Variants in RSRC1 observed in about 807,000 individuals in gnomAD.
RSRC1 encodes the protein arginine and serine rich coiled-coil 1.
In RSRC1, 39 loss-of-function variants were observed where a neutral mutation model predicts 49.1. The ratio of observed to expected loss-of-function variants is 0.79; its 90% CI spans 0.61 to 1.04. The LOEUF (loss-of-function observed/expected upper bound fraction) is 1.04. Among genes scored for constraint, RSRC1 ranks in the 50% least tolerant of loss-of-function variants. The probability of loss-of-function intolerance (pLI) is 0.00; values close to 1 mark genes in which losing one functional copy is unlikely to be tolerated. For missense variants in RSRC1, 388 were observed against 402.4 expected (o/e 0.96, Z 0.31); for synonymous variants, 143 against 130.8 (o/e 1.09, Z -0.63).
intron 6 of RSRC1, among the ~76,000 whole-genome samples, chr3:158,371,798 G>A (rs1287365787): frequency 6.6e-6 from 1 of 151,866 alleles, no homozygotes; most frequent in Non-Finnish European, 1.5e-5. Flanking sequence ...CAAAGTGGCT[G>A]AACCATATTT....
rs1386952422 is a variant in RSRC1, at chr3:158,460,608, A to T, written c.584-327A>T. On this transcript the variant is annotated intron_variant, in intron 6 of 9. Transcript: ENST00000611884. ...TTCCTCCAAAATTTAAAACAAATGC[A>T]TTACACTGATACATCAGATGACTTT... 3.3e-5 allele frequency among the ~76,000 whole-genome samples: 5 copies of T among 151,896 alleles called. No homozygotes were observed. In the East Asian group the frequency reaches 9.6e-4, roughly 29 times the overall value.
intron 6 of RSRC1, among the ~76,000 whole-genome samples, chr3:158,380,012 C>T (rs895686108): frequency 1.3e-5 from 2 of 152,006 alleles, no homozygotes; most frequent in Non-Finnish European, 2.9e-5. Context: ...CAAGAACCTA[C>T]ACATCATTTG....
At chr3:158,143,703 C>CA (rs978090743) in intron 3 of RSRC1, among the ~76,000 whole-genome samples, 8 of 151,750 alleles carry the variant, frequency 5.3e-5, no homozygotes, top group African/African-American at 1.9e-4. Context: ...AAAACAAAAA[C>CA]AAAAAACAAA....
At chr3:158,264,428 A>G (rs1725059556) in intron 4 of RSRC1, among the ~76,000 whole-genome samples, 1 of 152,190 alleles carries the variant, frequency 6.6e-6, no homozygotes, top group African/African-American at 2.4e-5. Context: ...GACTTCTTTT[A>G]TGGCTCAGAA....
At chr3:158,118,843 G>C (rs6790608) in intron 1 of RSRC1, among the ~76,000 whole-genome samples, 102,516 of 152,066 alleles carry the variant, frequency 0.67, 34,807 homozygotes, top group East Asian at 0.83. Flanking sequence ...GTGGGGGCCT[G>C]CCCTTTTTGG....
chr3:158,515,429 G>A (rs56148815), intron 7 of RSRC1, among the ~76,000 whole-genome samples: 1 of 119,448 alleles, frequency 8.4e-6, no homozygotes, highest in Non-Finnish European at 1.8e-5. Flanking sequence ...TATTGGCCCC[G>A]ACTCTCTTCT....
intron 4 of RSRC1, among the ~76,000 whole-genome samples, chr3:158,250,922 C>A (rs551386169): frequency 6.6e-6 from 1 of 152,114 alleles, no homozygotes; most frequent in Non-Finnish European, 1.5e-5. Flanking sequence ...AGAACAATGT[C>A]CTGGAGAGTT....
rs183650896 is a variant in RSRC1 at position 158,542,402 on chromosome 3, G to A, written c.760-933G>A. ...AAAAATTAGCCGAGTGTGCATGGTG[G>A]TGTGCACCTGTAATCCCAGATACTC... On this transcript the variant is annotated intron_variant, in intron 8 of 9. Transcript: ENST00000611884. Among the ~76,000 whole-genome samples the A allele has an allele frequency of 8.5e-5, 13 of 152,308 alleles. No individual in the cohort carries two copies. In the East Asian group the frequency reaches 2.5e-3, roughly 29 times the overall value.
At chr3:158,464,824 G>T (rs1737796925) in intron 7 of RSRC1, among the ~76,000 whole-genome samples, 1 of 151,958 alleles carries the variant, frequency 6.6e-6, no homozygotes, top group Non-Finnish European at 1.5e-5. Context: ...GGGAGGATAG[G>T]AAACAAAGGC....
intron 4 of RSRC1, among the ~76,000 whole-genome samples, chr3:158,236,707 A>G (rs1442525535): frequency 6.6e-6 from 1 of 152,184 alleles, no homozygotes; most frequent in African/African-American, 2.4e-5. Flanking sequence ...TTATTCTCCT[A>G]TTGAAGATGG....
chr3:158,529,442 A>G (rs1442678951), intron 7 of RSRC1, among the ~76,000 whole-genome samples: 1 of 151,874 alleles, frequency 6.6e-6, no homozygotes, highest in Non-Finnish European at 1.5e-5. Context: ...TGTACCACCA[A>G]CTAGCCATGT....
At chr3:158,218,684 CT>C (rs1468591181) in intron 4 of RSRC1, among the ~76,000 whole-genome samples, 1 of 151,556 alleles carries the variant, frequency 6.6e-6, no homozygotes, top group Non-Finnish European at 1.5e-5. Flanking sequence ...ATTCTTAACT[CT>C]TTAGGTATTT....
intron 7 of RSRC1, among the ~76,000 whole-genome samples, chr3:158,525,181 T>C (rs1451945540): frequency 6.6e-6 from 1 of 151,914 alleles, no homozygotes; most frequent in African/African-American, 2.4e-5. Context: ...AACAAAGGAC[T>C]TCAATTCCGT....
intron 5 of RSRC1, among the ~76,000 whole-genome samples, chr3:158,323,898 C>T (rs1297115896): frequency 6.6e-6 from 1 of 152,094 alleles, no homozygotes; most frequent in African/African-American, 2.4e-5. Context: ...CAGAACAGTT[C>T]CTTCACATCT....
At chr3:158,377,526 G>A (rs939264902) in intron 6 of RSRC1, among the ~76,000 whole-genome samples, 1 of 152,094 alleles carries the variant, frequency 6.6e-6, no homozygotes, top group African/African-American at 2.4e-5. Context: ...TCCTTCTCTT[G>A]CTATGTGATA....
At chr3:158,124,163 T>C (rs1441007289) in intron 3 of RSRC1, among the ~76,000 whole-genome samples, 172 bp downstream of exon 3, 3 of 152,210 alleles carry the variant, frequency 2.0e-5, no homozygotes, top group Non-Finnish European at 4.4e-5. Context: ...ATAGCTTGAT[T>C]GGAACTGGAT....
intron 7 of RSRC1, among the ~76,000 whole-genome samples, chr3:158,532,708 T>C (rs1712475195): frequency 6.6e-6 from 1 of 151,830 alleles, no homozygotes; most frequent in Non-Finnish European, 1.5e-5. Context: ...ATATATCCCT[T>C]CCATTAACAT....
intron 7 of RSRC1, among the ~76,000 whole-genome samples, chr3:158,502,812 G>T (rs758111106): frequency 1.3e-5 from 2 of 151,822 alleles, no homozygotes; most frequent in Admixed American, 6.6e-5. Context: ...CCTTTCTCTG[G>T]TACCTCCCTG....
chr3:158,236,893 A>T (rs1325057335), intron 4 of RSRC1, among the ~76,000 whole-genome samples: 1 of 152,150 alleles, frequency 6.6e-6, no homozygotes, highest in Non-Finnish European at 1.5e-5. Context: ...TAGTAAAGTT[A>T]CGGGGAGCTG....
Sources: allele counts gnomAD v4.1 joint callset (sites outside exome capture counted in the v4.1 genomes callset), GRCh38; gene constraint gnomAD v4.1.1; transcripts MANE v1.5; gene names NCBI Gene and HGNC (gene_info 2026-07-23, HGNC 2026-07-21).